Variants in SLC4A4 observed in about 807,000 individuals in gnomAD.
SLC4A4 encodes the protein electrogenic sodium bicarbonate cotransporter 1.
SLC4A4 carries 27 observed loss-of-function variants against 111.5 expected under a neutral mutation model. That is an observed-to-expected ratio of 0.24 (90% CI 0.18 to 0.33). The LOEUF is 0.33. Among genes scored for constraint, SLC4A4 ranks in the 10% least tolerant of loss-of-function variants. The probability of loss-of-function intolerance (pLI) is 1.00; values close to 1 mark genes in which losing one functional copy is unlikely to be tolerated. For missense variants in SLC4A4, 909 were observed against 1,315.5 expected, an observed-to-expected ratio of 0.69 and a Z score of 4.78; for synonymous variants, 443 against 463.4, an observed-to-expected ratio of 0.96 and a Z score of 0.57.
chr4:71,135,211 T>G (rs1404027791), intron 2 of SLC4A4, among the ~76,000 whole-genome samples: 1 of 152,160 alleles, frequency 6.6e-6, no homozygotes, highest in African/African-American at 2.4e-5. Flanking sequence ...TGTTTTGAAC[T>G]GTATATAGTG....
At chr4:71,413,518 G>A (rs1401557360) in intron 7 of SLC4A4, among the ~76,000 whole-genome samples, 1 of 152,166 alleles carries the variant, frequency 6.6e-6, no homozygotes, top group African/African-American at 2.4e-5. Context: ...TTTACAGTCT[G>A]ATTTTTGTCA....
intron 7 of SLC4A4, among the ~76,000 whole-genome samples, chr4:71,429,431 G>A (rs1052057158): frequency 3.3e-5 from 5 of 152,022 alleles, no homozygotes; most frequent in African/African-American, 1.2e-4. Flanking sequence ...AAAAAAAATT[G>A]TAAGATAAAA....
rs754167302 is a variant in SLC4A4 at position 71,497,535 on chromosome 4, CGAA to C, written c.2014_2016del (p.Lys672del). 15 of 1,613,354 alleles carry C rather than the reference CGAA, an allele frequency of 9.3e-6. No homozygotes were observed. Among genetic ancestry groups the C allele is most frequent in the Non-Finnish European group, 1.3e-5 (15 of 1,179,694 alleles). ...ACTACCTTTGACTGGGCATTTTTGT[CGAA>C]GAAGGAGTGTTCAAAATACGGAGGA... On this transcript the variant is annotated inframe_deletion, in exon 16 of 26. Coordinates refer to ENST00000264485, the MANE Select transcript of SLC4A4 (RefSeq NM_001098484.3).
intron 2 of SLC4A4, among the ~76,000 whole-genome samples, chr4:71,180,524 A>G (rs1745254767): frequency 2.0e-5 from 3 of 152,202 alleles, no homozygotes; most frequent in South Asian, 4.1e-4. Context: ...AAACAACCCC[A>G]TCAAAAAGTG....
intron 16 of SLC4A4, among the ~76,000 whole-genome samples, chr4:71,505,011 G>A (rs10010972): frequency 0.42 from 63,623 of 152,002 alleles, 16,217 homozygotes; most frequent in African/African-American, 0.68. Flanking sequence ...TAGTTTGCTA[G>A]GGATAAATGG....
At chr4:71,108,198 C>T (rs1192271963) in intron 2 of SLC4A4, among the ~76,000 whole-genome samples, 2 of 152,246 alleles carry the variant, frequency 1.3e-5, no homozygotes, top group Middle Eastern at 3.4e-3. Flanking sequence ...CCAAAATTAT[C>T]GTAGTAATAG....
At chr4:71,169,667 G>T (rs1198318014) in intron 2 of SLC4A4, among the ~76,000 whole-genome samples, 2 of 151,998 alleles carry the variant, frequency 1.3e-5, no homozygotes, top group African/African-American at 4.8e-5. Context: ...TCTTCACTTT[G>T]TCAATAAGAC....
intron 1 of SLC4A4, among the ~76,000 whole-genome samples, chr4:71,091,451 C>T (rs1287256906): frequency 6.6e-6 from 1 of 151,882 alleles, no homozygotes; most frequent in Admixed American, 6.6e-5. Flanking sequence ...GACGAGGTTT[C>T]ACTGTGTTAG....
chr4:71,191,222 C>G (rs1259104270), intron 1 of SLC4A4, among the ~76,000 whole-genome samples: 10 of 152,326 alleles, frequency 6.6e-5, no homozygotes, highest in Middle Eastern at 3.4e-3. Context: ...ATGGGCTTAT[C>G]AGGACATAAC....
intron 14 of SLC4A4, among the ~76,000 whole-genome samples, chr4:71,484,141 A>G (rs1272667223): frequency 2.6e-5 from 4 of 151,532 alleles, no homozygotes; most frequent in Admixed American, 6.6e-5. Context: ...TACTCTGTTG[A>G]TAGTTTATTT....
In SLC4A4 at chr4:71,557,750, G is replaced by A. The variant is rs768573578; in HGVS notation, c.2802G>A (p.Lys934=). ...DRLKLLLMPL[K]HQPDFIYLRH... is the part of the protein sequence containing the mutation. ...TGAAGCTGCTTCTGATGCCTCTGAA[G>A]CATCAGCCTGACTTCATCTACCTGC... The change falls in exon 22 of 26, where the codon AAG becomes AAA. Residue 934 remains lysine (K), a synonymous_variant. Coordinates refer to ENST00000264485, the MANE Select transcript of SLC4A4 (RefSeq NM_001098484.3). 3.7e-6 allele frequency: 6 copies of A among 1,612,766 alleles called. No individual in the cohort carries two copies. Among genetic ancestry groups the A allele is most frequent in the Middle Eastern group, 1.7e-4 (1 of 6,052 alleles).
At chr4:71,457,951 AT>A (rs1268227926) in intron 12 of SLC4A4, among the ~76,000 whole-genome samples, 1 of 152,160 alleles carries the variant, frequency 6.6e-6, no homozygotes, top group Non-Finnish European at 1.5e-5. Flanking sequence ...ATACTATGAA[AT>A]ACGTTATACT....
At chr4:71,517,607 T>A (rs1482182460) in intron 16 of SLC4A4, among the ~76,000 whole-genome samples, 1 of 152,176 alleles carries the variant, frequency 6.6e-6, no homozygotes, top group Non-Finnish European at 1.5e-5. Flanking sequence ...AGTTCATATA[T>A]CTTCATTTTT....
At chr4:71,090,731 A>G (rs1424609606) in intron 1 of SLC4A4, among the ~76,000 whole-genome samples, 1 of 152,204 alleles carries the variant, frequency 6.6e-6, no homozygotes, top group African/African-American at 2.4e-5. Flanking sequence ...GTAGAATGGG[A>G]ACCTCTTCAG....
At position 71,148,023 on chromosome 4, in the gene SLC4A4, T is replaced by G. The variant is rs568996326; in HGVS notation, c.-2+55231T>G. Among the ~76,000 whole-genome samples the G allele has an allele frequency of 3.9e-5, 6 of 152,258 alleles. No homozygotes were observed. The South Asian group carries it at 1.2e-3, about 32-fold the overall frequency. On this transcript the variant is annotated intron_variant, in intron 2 of 26. Coordinates refer to the SLC4A4 transcript ENST00000649996. ...GCCCTCCAAAGTTCAGGTAAGTGAC[T>G]AGATTCACAAACTTATTTCAGAATG...
At chr4:71,410,531 C>T (rs1054371082) in intron 7 of SLC4A4, among the ~76,000 whole-genome samples, 2 of 152,148 alleles carry the variant, frequency 1.3e-5, no homozygotes, top group Non-Finnish European at 2.9e-5. Flanking sequence ...ACCTGTACTC[C>T]CATTGTATCT....
chr4:71,411,806 G>T lies in SLC4A4; in HGVS notation c.807+14153G>T, dbSNP rs1045531554. ...TATGCTACGTTTTATTTTCTGAGCAGGGCACTTCATTGTAATGTGGCATCT... is the reference window on the plus strand; with the variant it reads ...TATGCTACGTTTTATTTTCTGAGCATGGCACTTCATTGTAATGTGGCATCT... On this transcript the variant is annotated intron_variant, in intron 7 of 25. Transcript: ENST00000264485. 5.2e-4 allele frequency among the ~76,000 whole-genome samples: 79 copies of T among 152,168 alleles called. 5 individuals carry two copies. Among genetic ancestry groups the T allele is most frequent in the Non-Finnish European group, 1.5e-5 (1 of 68,028 alleles).
At chr4:71,311,369 A>AC (rs1560399848) in intron 3 of SLC4A4, among the ~76,000 whole-genome samples, 1 of 152,088 alleles carries the variant, frequency 6.6e-6, no homozygotes, top group Non-Finnish European at 1.5e-5. Context: ...AAAACTCTCC[A>AC]CCCCAAATTA....
chr4:71,256,428 C>T (rs1463188339), intron 3 of SLC4A4, among the ~76,000 whole-genome samples: 3 of 151,928 alleles, frequency 2.0e-5, no homozygotes, highest in East Asian at 1.9e-4. Context: ...ATAGTCTCAC[C>T]GTTGGAACTG....
Sources: allele counts gnomAD v4.1 joint callset (sites outside exome capture counted in the v4.1 genomes callset), GRCh38; gene constraint gnomAD v4.1.1; transcripts MANE v1.5; gene names NCBI Gene and HGNC (gene_info 2026-07-23, HGNC 2026-07-21).